Variants in CATSPERE observed in about 807,000 individuals in gnomAD.
CATSPERE encodes catsper channel auxiliary subunit epsilon.
CATSPERE carries 93 observed loss-of-function variants against 114.1 expected under a neutral mutation model. The ratio of observed to expected loss-of-function variants is 0.81; its 90% CI spans 0.69 to 0.97. CATSPERE has a LOEUF of 0.97. Among genes scored for constraint, CATSPERE ranks in the 50% least tolerant of loss-of-function variants. CATSPERE has a pLI of 0.00. For synonymous variants in CATSPERE, 341 were observed against 384.1 expected (o/e 0.89, Z 1.31); for missense variants, 1,058 against 1,131.6 (o/e 0.93, Z 0.93).
At chr1:244,558,789 C>CTCTCCT (rs1203590921) in intron 9 of CATSPERE, among the ~76,000 whole-genome samples, 1 of 152,070 alleles carries the variant, frequency 6.6e-6, no homozygotes, top group Non-Finnish European at 1.5e-5. Context: ...CTCCTTCTCC[C>CTCTCCT]TCTCCTTCTG....
chr1:244,464,961 G>GAAAA (rs11428659), intron 2 of CATSPERE, among the ~76,000 whole-genome samples: 1 of 142,952 alleles, frequency 7.0e-6, no homozygotes, highest in Non-Finnish European at 1.5e-5. Flanking sequence ...ATACTTTACT[G>GAAAA]AAAAAAAAAA....
chr1:244,459,080 C>CTT (rs36076606), upstream of CATSPERE, among the ~76,000 whole-genome samples: 148 of 134,458 alleles, frequency 1.1e-3, no homozygotes, highest in South Asian at 6.2e-3. Flanking sequence ...CTGGGCTCAG[C>CTT]TTTTTTTTTT....
chr1:244,561,085 G>A lies in CATSPERE; in HGVS notation c.1447G>A (p.Ala483Thr). Residue 483 changes from alanine (A) to threonine (T), a missense_variant, in exon 10 of 22, where the codon GCA (alanine) becomes ACA (threonine). Coordinates refer to ENST00000366534, the MANE Select transcript of CATSPERE (RefSeq NM_001130957.2). Reference sequence around the variant, plus strand: ...CTTTACTGGGATTTTACAGACACCTGCAGGACATGGAAATCTATCAATGCT... The same window carrying A: ...CTTTACTGGGATTTTACAGACACCTACAGGACATGGAAATCTATCAATGCT... ...FTFTGILQTPAGHGNLSMLSN... is the reference protein window; with the variant it reads ...FTFTGILQTPTGHGNLSMLSN... 1.9e-6 allele frequency: 3 copies of A among 1,611,588 alleles called. No individual in the cohort carries two copies. The highest frequency in any genetic ancestry group is 2.5e-6 in the Non-Finnish European group (3 of 1,178,288).
At chr1:244,580,061 G>A (rs934365996) in intron 11 of CATSPERE, among the ~76,000 whole-genome samples, 1 of 152,076 alleles carries the variant, frequency 6.6e-6, no homozygotes, top group Non-Finnish European at 1.5e-5. Context: ...TTTTGAGACA[G>A]GGTCTCACTC....
chr1:244,471,797 T>A (rs1668513561), intron 2 of CATSPERE, among the ~76,000 whole-genome samples: 1 of 152,248 alleles, frequency 6.6e-6, no homozygotes, highest in Non-Finnish European at 1.5e-5. Context: ...CCATTTGGGT[T>A]ATTTCCAACT....
intron 6 of CATSPERE, among the ~76,000 whole-genome samples, chr1:244,496,650 T>C (rs1673143141): frequency 2.0e-5 from 3 of 152,188 alleles, no homozygotes; most frequent in African/African-American, 7.2e-5. Flanking sequence ...CTCTACAACA[T>C]AAAGATACGG....
chr1:244,572,196 C>T lies in CATSPERE; in HGVS notation c.1508-134C>T, dbSNP rs1483082433. 2.2e-5 allele frequency: 14 copies of T among 625,150 alleles called. No homozygotes were observed. In the Admixed American group the frequency reaches 3.6e-4, roughly 16 times the overall value. The allele number at this position is 625,150 out of a possible 1,614,324, so 38.7% of individuals were successfully genotyped here. On this transcript the variant is annotated intron_variant, in intron 10 of 21. Coordinates refer to ENST00000366534, the MANE Select transcript of CATSPERE (RefSeq NM_001130957.2). ...GTGTAAAGTTATGGGTTCATATCTGCACATTCTAACTTTCTCAAAGTATGA... is the reference window on the plus strand; with the variant it reads ...GTGTAAAGTTATGGGTTCATATCTGTACATTCTAACTTTCTCAAAGTATGA...
intron 8 of CATSPERE, among the ~76,000 whole-genome samples, chr1:244,538,081 G>T (rs1680641225): frequency 6.6e-6 from 1 of 152,178 alleles, no homozygotes; most frequent in Non-Finnish European, 1.5e-5. Context: ...CCAACACTTT[G>T]GGAGACCAAG....
At chr1:244,493,864 C>G (rs1370799896) in intron 6 of CATSPERE, among the ~76,000 whole-genome samples, 1 of 152,198 alleles carries the variant, frequency 6.6e-6, no homozygotes, top group Non-Finnish European at 1.5e-5. Flanking sequence ...TCATCAATCA[C>G]TGGCCATCAG....
At chr1:244,465,562 C>T (rs1003699325) in intron 2 of CATSPERE, among the ~76,000 whole-genome samples, 3 of 152,062 alleles carry the variant, frequency 2.0e-5, no homozygotes, top group Non-Finnish European at 2.9e-5. Context: ...ACCTTTGTTC[C>T]GTATGTAGAT....
At chr1:244,623,442 A>C (rs149410707) in intron 20 of CATSPERE, among the ~76,000 whole-genome samples, 75 of 152,330 alleles carry the variant, frequency 4.9e-4, no homozygotes, top group African/African-American at 1.7e-3. Flanking sequence ...ATGAAAATAC[A>C]TATGACACTC....
At chr1:244,591,081 C>T (rs895075097) in intron 14 of CATSPERE, among the ~76,000 whole-genome samples, 2 of 152,032 alleles carry the variant, frequency 1.3e-5, no homozygotes, top group Admixed American at 1.3e-4. Context: ...CCCAATTTCT[C>T]TGCTTCCTTG....
At chr1:244,526,411 AG>A (rs1189434246) in intron 8 of CATSPERE, among the ~76,000 whole-genome samples, 23 of 151,740 alleles carry the variant, frequency 1.5e-4, no homozygotes, top group African/African-American at 5.3e-4. Context: ...TGTATCAAAA[AG>A]AAAAAAAAAA....
At chr1:244,477,180 G>A (rs1669501150) in intron 2 of CATSPERE, among the ~76,000 whole-genome samples, 1 of 152,124 alleles carries the variant, frequency 6.6e-6, no homozygotes, top group Non-Finnish European at 1.5e-5. Context: ...ATTTTTAGTA[G>A]AGACAGGGTT....
At chr1:244,612,296 C>G (rs891983145) in intron 19 of CATSPERE, among the ~76,000 whole-genome samples, 3 of 152,122 alleles carry the variant, frequency 2.0e-5, no homozygotes, top group Non-Finnish European at 4.4e-5. Context: ...CTGCTTTCTT[C>G]CTGAAACGTA....
At chr1:244,579,701 A>G (rs923928328) in intron 11 of CATSPERE, among the ~76,000 whole-genome samples, 3 of 152,254 alleles carry the variant, frequency 2.0e-5, no homozygotes, top group South Asian at 2.1e-4. Context: ...GAAACATTGC[A>G]TTTTGCAAAA....
intron 8 of CATSPERE, among the ~76,000 whole-genome samples, chr1:244,549,840 G>A (rs555080288): frequency 6.6e-6 from 1 of 152,274 alleles, no homozygotes; most frequent in East Asian, 1.9e-4. Flanking sequence ...GTCTGTGAGA[G>A]TATTTCTGGA....
At chr1:244,514,294 A>G (rs576912310) in intron 7 of CATSPERE, among the ~76,000 whole-genome samples, 1 of 152,318 alleles carries the variant, frequency 6.6e-6, no homozygotes, top group South Asian at 2.1e-4. Context: ...AGCCACTTTC[A>G]AAGTATTGAA....
intron 2 of CATSPERE, among the ~76,000 whole-genome samples, chr1:244,467,848 T>C (rs1294160573): frequency 6.6e-6 from 1 of 152,178 alleles, no homozygotes; most frequent in Non-Finnish European, 1.5e-5. Flanking sequence ...AAAGTAGCCA[T>C]ACAGAAAAGA....
Sources: gnomAD v4.1 joint callset for allele counts (sites outside exome capture counted in the v4.1 genomes callset) on GRCh38, gnomAD v4.1.1 for gene constraint, MANE v1.5 for transcripts, NCBI Gene and HGNC (gene_info 2026-07-23, HGNC 2026-07-21) for gene names.